The following ITPR3 variants were observed in gnomAD, a reference collection of about 807,000 sequenced individuals.
ITPR3 encodes inositol 1,4,5-trisphosphate receptor type 3.
A neutral mutation model predicts 293.2 loss-of-function variants in ITPR3; 173 were observed. The ratio of observed to expected loss-of-function variants is 0.59; its 90% CI spans 0.52 to 0.67. The LOEUF is 0.67. Among genes scored for constraint, ITPR3 ranks in the 30% least tolerant of loss-of-function variants. ITPR3 has a pLI of 0.00. For missense variants in ITPR3, 2,796 were observed against 3,592.1 expected, an observed-to-expected ratio of 0.78 and a Z score of 5.66; for synonymous variants, 1,295 against 1,444.4, an observed-to-expected ratio of 0.90 and a Z score of 2.35.
Position 33,687,924 on chromosome 6 carries a change from G to A in ITPR3, c.6265-133G>A. 2.8e-6 allele frequency: 2 copies of A among 713,204 alleles called. No homozygotes were observed. The highest frequency in any genetic ancestry group is 3.7e-5 in the South Asian group (2 of 53,376). 44.2% of individuals were successfully genotyped at this position (713,204 alleles called of 1,614,324 possible). On this transcript the variant is annotated intron_variant, in intron 46 of 57. Coordinates refer to ENST00000605930, the MANE Select transcript of ITPR3 (RefSeq NM_002224.4). This position sits in a 1 kb window ranked among gnomAD's most constrained non-coding sequence, Gnocchi z 5.3. Reference sequence around the variant, plus strand: ...CTCAGTCCTAGTTGGGCTGGGCTTGGCCTGCTCTGGCTTGGCGGGGACACT... The same window carrying A: ...CTCAGTCCTAGTTGGGCTGGGCTTGACCTGCTCTGGCTTGGCGGGGACACT...
chr6:33,663,039 G>A lies in ITPR3; in HGVS notation c.954+33G>A, dbSNP rs2296338. On this transcript the variant is annotated intron_variant, in intron 9 of 57. Coordinates refer to ENST00000605930, the MANE Select transcript of ITPR3 (RefSeq NM_002224.4). Reference sequence around the variant, plus strand: ...GGAGGTAGAGGGCATGCTGGGGCTCGTGTGTGCATGTACACGTGGGTGTGC... The same window carrying A: ...GGAGGTAGAGGGCATGCTGGGGCTCATGTGTGCATGTACACGTGGGTGTGC... The A allele has an allele frequency of 0.55, 861,363 of 1,553,764 alleles. 239,925 individuals are homozygous for A. The highest frequency in any genetic ancestry group is 0.62 in the Middle Eastern group (3,686 of 5,988).
At chr6:33,686,883 T>G in intron 43 of ITPR3, 126 bp from the exon 44 acceptor site, 1 of 752,572 alleles carries the variant, frequency 1.3e-6, no homozygotes, top group Non-Finnish European at 2.3e-6. Context: ...GGAGGGAGGA[T>G]GGGAAGGTCA....
chr6:33,687,106 T>C lies in ITPR3; in HGVS notation c.6075+2T>C. On this transcript the variant is annotated splice_donor_variant, in intron 44 of 57. Transcript: ENST00000605930. LOFTEE classifies it high-confidence loss of function. This position sits in a 1 kb window ranked among gnomAD's most constrained non-coding sequence, Gnocchi z 5.3. ...ATCAGCCTGCGGCCCCAGGAGCTGGTGAGGCTGGGCAGGTGGGCAGGCGGG... is the reference window on the plus strand; with the variant it reads ...ATCAGCCTGCGGCCCCAGGAGCTGGCGAGGCTGGGCAGGTGGGCAGGCGGG... The C allele has an allele frequency of 6.2e-7, 1 of 1,613,570 alleles. No individual in the cohort carries two copies. Among genetic ancestry groups the C allele is most frequent in the East Asian group, 2.2e-5 (1 of 44,866 alleles).
chr6:33,677,077 G>A lies in ITPR3; in HGVS notation c.3510G>A (p.Gln1170=). 1 of 1,614,150 alleles carries A rather than the reference G, an allele frequency of 6.2e-7. No individual in the cohort carries two copies. Among genetic ancestry groups the A allele is most frequent in the Non-Finnish European group, 8.5e-7 (1 of 1,180,018 alleles). Residue 1170 remains glutamine (Q), a synonymous_variant, in exon 27 of 58, where the codon CAG becomes CAA. Coordinates refer to ENST00000605930, the MANE Select transcript of ITPR3 (RefSeq NM_002224.4). The part of the protein sequence containing the change: ...PPGEKSSENY[Q]IVKGILERLN... The stretch of plus-strand genomic sequence containing the variant: ...GGGAGAAAAGCAGTGAGAACTACCA[G>A]ATCGTCAAGGGCGTGAGTGGCCAAG...
chr6:33,668,246 G>A (rs1429410908), intron 16 of ITPR3, among the ~76,000 whole-genome samples: 1 of 152,208 alleles, frequency 6.6e-6, no homozygotes, highest in Non-Finnish European at 1.5e-5. Context: ...TGAACCAGTT[G>A]TTAAATATTT....
At chr6:33,650,701 GC>G (rs1366023514) in intron 2 of ITPR3, among the ~76,000 whole-genome samples, 1 of 151,840 alleles carries the variant, frequency 6.6e-6, no homozygotes, top group Non-Finnish European at 1.5e-5. Flanking sequence ...GGTTATTGAA[GC>G]TTTTTTTATT....
At position 33,680,441 on chromosome 6, in the gene ITPR3, T is replaced by A. The variant is rs964857777; in HGVS notation, c.4337T>A (p.Leu1446Gln). ...TGGACGCTCTTTGAGAACTTCACCC[T>A]GGACATGGCCCGGGTCTGTCCCTGT... ...HIWTLFENFTLDMARVCSKRE... is the reference protein window; with the variant it reads ...HIWTLFENFTQDMARVCSKRE... The change falls in exon 32 of 58, where the codon CTG becomes CAG. Residue 1446 changes from leucine (L) to glutamine (Q), a missense_variant. By Grantham distance (113) the Leu-to-Gln change is moderately radical. This residue lies in a region of ITPR3 where 344 missense variants were observed against 460.3 expected (regional missense o/e 0.75). Transcript: ENST00000605930. 3 of 1,613,296 alleles carry A rather than the reference T, an allele frequency of 1.9e-6. No homozygotes were observed. In the African/African-American group the frequency reaches 4.0e-5, roughly 22 times the overall value.
In ITPR3 at chr6:33,662,954, A is replaced by G; in HGVS notation, c.902A>G (p.Asn301Ser). The G allele has an allele frequency of 6.2e-7, 1 of 1,605,410 alleles. No homozygotes were observed. The highest frequency in any genetic ancestry group is 1.1e-5 in the South Asian group (1 of 89,292). Residue 301 changes from asparagine to serine, a missense_variant, in exon 9 of 58, where the codon AAT becomes AGT. Transcript: ENST00000605930. ...DPCRGGAGHW[N>S]GLYRFKHLAT... is the part of the protein sequence containing the mutation. ...TGCCGTGGAGGAGCTGGGCACTGGAATGGCTTGTACCGCTTCAAGCACCTG... is the reference window on the plus strand; with the variant it reads ...TGCCGTGGAGGAGCTGGGCACTGGAGTGGCTTGTACCGCTTCAAGCACCTG...
chr6:33,669,225 A>G, intron 18 of ITPR3, 69 bp downstream of exon 18: 2 of 1,504,734 alleles, frequency 1.3e-6, no homozygotes, highest in Non-Finnish European at 1.8e-6. Context: ...CCGTCAGTCA[A>G]TCCCTGCTGA....
At position 33,655,691 on chromosome 6, in the gene ITPR3, G is replaced by T; in HGVS notation, c.161-75G>T. The T allele has an allele frequency of 1.3e-6, 2 of 1,590,688 alleles. No homozygotes were observed. The highest frequency in any genetic ancestry group is 4.5e-5 in the East Asian group (2 of 44,502). On this transcript the variant is annotated intron_variant, in intron 2 of 57. Coordinates refer to ENST00000605930, the MANE Select transcript of ITPR3 (RefSeq NM_002224.4). The surrounding 1 kb of genome is among the most constrained non-coding windows in gnomAD (Gnocchi z 4.9). ...AAGGGTTGGGAGAGAAGAGCTGCAG[G>T]CTGGGGTTTTCTCCAGGGAGGGCCC... is the stretch of plus-strand genomic sequence containing the variant.
chr6:33,687,691 C>A lies in ITPR3; in HGVS notation c.6264+127C>A. 1 of 770,550 alleles carries A rather than the reference C, an allele frequency of 1.3e-6. No homozygotes were observed. The highest frequency in any genetic ancestry group is 1.7e-5 in the African/African-American group (1 of 58,138). The allele number at this position is 770,550 out of a possible 1,614,324, so 47.7% of individuals were successfully genotyped here. On this transcript the variant is annotated intron_variant, in intron 46 of 57. Transcript: ENST00000605930. The surrounding 1 kb of genome is among the most constrained non-coding windows in gnomAD (Gnocchi z 5.3). ...TGAGCCAGGCTAGAATTTGGGGGTA[C>A]AGCTCAGGGGGCTGATTGGGACTGG...
rs377428320 is a variant in ITPR3, at chr6:33,641,704, A to C, written c.160+1150A>C. Reference sequence around the variant, plus strand: ...CCCCCTCCCACTTCCCTGCAACCACACCAGCCTCCCTGCCATTCCTCACAG... The same window carrying C: ...CCCCCTCCCACTTCCCTGCAACCACCCCAGCCTCCCTGCCATTCCTCACAG... On this transcript the variant is annotated intron_variant, in intron 2 of 57. Coordinates refer to ENST00000605930, the MANE Select transcript of ITPR3 (RefSeq NM_002224.4). Among the ~76,000 whole-genome samples the C allele has an allele frequency of 8.5e-3, 1,289 of 151,274 alleles. 22 individuals carry two copies. The highest frequency in any genetic ancestry group is 0.024 in the African/African-American group (1,006 of 41,178).
In ITPR3 at chr6:33,658,653, C is replaced by T. The variant is rs376148863; in HGVS notation, c.370-17C>T. ...CCTGTGGCGCGGTGACCTTCCCGCA[C>T]CCCACCTGACCCCCAGCTCCTGCAC... On this transcript the variant is annotated splice_polypyrimidine_tract_variant and intron_variant, in intron 4 of 57. Transcript: ENST00000605930. The surrounding 1 kb of genome is among the most constrained non-coding windows in gnomAD (Gnocchi z 6.1). 9 of 1,612,970 alleles carry T rather than the reference C, an allele frequency of 5.6e-6. No homozygotes were observed. The highest frequency in any genetic ancestry group is 6.8e-6 in the Non-Finnish European group (8 of 1,179,278).
At position 33,687,172 on chromosome 6, in the gene ITPR3, G is replaced by A. The variant is rs190999088; in HGVS notation, c.6076-54G>A. 1.1e-4 allele frequency: 181 copies of A among 1,596,880 alleles called. No homozygotes were observed. The East Asian group carries it at 2.5e-3, about 22-fold the overall frequency. ...TGTGTTGGGATGGGGATGAGGGCCC[G>A]GCTGGCCCTACCGCCCTAGGAAGAG... On this transcript the variant is annotated intron_variant, in intron 44 of 57. Transcript: ENST00000605930. The surrounding 1 kb of genome is among the most constrained non-coding windows in gnomAD (Gnocchi z 5.3).
rs1379608193 is a variant in ITPR3, at chr6:33,678,549, G to A, written c.3771+6G>A. 9 of 1,605,896 alleles carry A rather than the reference G, an allele frequency of 5.6e-6. No individual in the cohort carries two copies. Among genetic ancestry groups the A allele is most frequent in the Non-Finnish European group, 7.7e-6 (9 of 1,176,156 alleles). The stretch of plus-strand genomic sequence containing the variant: ...ACCTCTTCCTCACGCCAGGGGTGAG[G>A]GTGCAGGGCTGGGAGCACCTGGACG... On this transcript the variant is annotated splice_donor_region_variant and intron_variant, in intron 29 of 57. Transcript: ENST00000605930.
chr6:33,650,280 G>T (rs1561857453), intron 2 of ITPR3, among the ~76,000 whole-genome samples: 1 of 151,930 alleles, frequency 6.6e-6, no homozygotes, highest in East Asian at 1.9e-4. Flanking sequence ...GTATGGCGAC[G>T]GGCCCCGAGT....
rs1488515718 is a variant in ITPR3, at chr6:33,633,242, T to C, written c.90-7242T>C. ...GATGGGGCGTCATCCTAGTAGAGGC[T>C]GGACAGTGAGAGATCGGTGGGCTGG... On this transcript the variant is annotated intron_variant, in intron 1 of 57. Coordinates refer to ENST00000605930, the MANE Select transcript of ITPR3 (RefSeq NM_002224.4). This position sits in a 1 kb window ranked among gnomAD's most constrained non-coding sequence, Gnocchi z 5.2. Among the ~76,000 whole-genome samples the C allele has an allele frequency of 3.3e-5, 5 of 152,092 alleles. No homozygotes were observed. The highest frequency in any genetic ancestry group is 2.6e-4 in the Admixed American group (4 of 15,284).
chr6:33,670,637 G>T lies in ITPR3; in HGVS notation c.2442-34G>T. The T allele has an allele frequency of 6.2e-7, 1 of 1,613,500 alleles. No homozygotes were observed. The highest frequency in any genetic ancestry group is 8.5e-7 in the Non-Finnish European group (1 of 1,179,820). On this transcript the variant is annotated intron_variant, in intron 19 of 57. Coordinates refer to ENST00000605930, the MANE Select transcript of ITPR3 (RefSeq NM_002224.4). The surrounding 1 kb of genome is among the most constrained non-coding windows in gnomAD (Gnocchi z 6.7). ...GCAGAGGCTGGAGTGGGTGTATCTC[G>T]GGGACCTTCATGCCTCATGGCCTCC...
chr6:33,640,614 A>G, intron 2 of ITPR3, 60 bp downstream of exon 2: 1 of 1,363,320 alleles, frequency 7.3e-7, no homozygotes, highest in Non-Finnish European at 1.0e-6. Context: ...TGGACCTGCG[A>G]CTGAATTTAT....
Sources: allele counts gnomAD v4.1 joint callset (sites outside exome capture counted in the v4.1 genomes callset), GRCh38; gene constraint gnomAD v4.1.1; regional missense constraint gnomAD v4.1.1; non-coding constraint Gnocchi (gnomAD v3.1); transcripts MANE v1.5; gene names NCBI Gene and HGNC (gene_info 2026-07-23, HGNC 2026-07-21).